MOB3B: variants seen among roughly 807,000 people sequenced by gnomAD.
MOB3B encodes MOB kinase activator 3B.
Under a neutral mutation model 18.7 loss-of-function variants are expected in MOB3B, and 7 were observed. The observed-to-expected ratio is 0.37, with a 90% CI of 0.21 to 0.70. MOB3B has a LOEUF of 0.70. Ranked by LOEUF, MOB3B falls within the 30% of genes least tolerant of loss-of-function variation. MOB3B has a pLI of 0.52. For synonymous variants in MOB3B, 111 were observed against 99.9 expected (o/e 1.11, Z -0.66); for missense variants, 253 against 281.3 (o/e 0.90, Z 0.72).
chr9:27,442,980 C>T (rs1033903574), intron 2 of MOB3B, among the ~76,000 whole-genome samples: 4 of 152,146 alleles, frequency 2.6e-5, no homozygotes, highest in Non-Finnish European at 5.9e-5. Flanking sequence ...AAAAATAAGG[C>T]TCAGGCAGAA....
intron 1 of MOB3B, among the ~76,000 whole-genome samples, chr9:27,478,469 T>G (rs1364247402): frequency 6.6e-6 from 1 of 151,604 alleles, no homozygotes. Context: ...AAGGGCAACT[T>G]TGAAAAAAAG....
chr9:27,483,125 C>CTTTTTTT lies in MOB3B; in HGVS notation c.-198-27384_-198-27378dup, dbSNP rs71492747. 7.9e-4 allele frequency among the ~76,000 whole-genome samples: 54 copies of CTTTTTTT among 68,596 alleles called. 1 individual carries two copies. Among genetic ancestry groups the CTTTTTTT allele is most frequent in the Non-Finnish European group, 9.6e-4 (38 of 39,528 alleles). 45.0% of individuals were successfully genotyped at this position (68,596 alleles called of 152,430 possible). A position where few individuals can be genotyped will look rare whatever the true frequency, so the allele number is the denominator to read the frequency against. ...AGTAAATGTCTACAAATATACGGTA[C>CTTTTTTT]TTTTTTTTTTTTTTTTTTTTTTTTT... On this transcript the variant is annotated intron_variant, in intron 1 of 3. Coordinates refer to ENST00000262244, the MANE Select transcript of MOB3B (RefSeq NM_024761.5).
intron 1 of MOB3B, among the ~76,000 whole-genome samples, chr9:27,477,085 C>T (rs928707235): frequency 6.6e-6 from 1 of 152,196 alleles, no homozygotes; most frequent in Admixed American, 6.5e-5. Context: ...CCCTCATAGT[C>T]AGACAGGGCA....
intron 2 of MOB3B, among the ~76,000 whole-genome samples, chr9:27,447,648 C>A (rs1455832553): frequency 6.6e-6 from 1 of 152,208 alleles, no homozygotes; most frequent in African/African-American, 2.4e-5. Context: ...ACTCCCCTTC[C>A]TTTCTGCTTC....
intron 2 of MOB3B, among the ~76,000 whole-genome samples, chr9:27,442,585 G>A (rs528109548): frequency 1.4e-4 from 21 of 152,264 alleles, no homozygotes; most frequent in Admixed American, 8.5e-4. Context: ...CTGCCCTTTC[G>A]GGTCAGGCAG....
chr9:27,464,908 C>G (rs1487059389), intron 1 of MOB3B, among the ~76,000 whole-genome samples: 1 of 152,144 alleles, frequency 6.6e-6, no homozygotes, highest in Non-Finnish European at 1.5e-5. Flanking sequence ...ATTATCTCCC[C>G]CTGGGTCCCT....
chr9:27,380,484 G>A (rs1051499897), intron 2 of MOB3B, among the ~76,000 whole-genome samples: 1 of 151,996 alleles, frequency 6.6e-6, no homozygotes, highest in African/African-American at 2.4e-5. Context: ...TGATCCACCC[G>A]CCTCGGCCTC....
At chr9:27,457,020 A>T (rs1036700990) in intron 1 of MOB3B, among the ~76,000 whole-genome samples, 2 of 152,222 alleles carry the variant, frequency 1.3e-5, no homozygotes, top group African/African-American at 4.8e-5. Flanking sequence ...TATAGTGGGT[A>T]TCATTCTTCC....
At chr9:27,344,664 T>C (rs7867777) in intron 3 of MOB3B, among the ~76,000 whole-genome samples, 17,727 of 152,220 alleles carry the variant, frequency 0.12, 2,700 homozygotes, top group African/African-American at 0.35. Context: ...GTGCCAACCT[T>C]AATGAAAAGT....
intron 1 of MOB3B, chr9:27,524,718 T>C (rs778802978): frequency 4.3e-6 from 7 of 1,613,896 alleles, no homozygotes; most frequent in Non-Finnish European, 5.1e-6. Context: ...CCTGAACCAA[T>C]GCTTGGAGGA....
intron 1 of MOB3B, among the ~76,000 whole-genome samples, chr9:27,511,639 C>CT (rs1820148228): frequency 6.6e-6 from 1 of 152,030 alleles, no homozygotes; most frequent in Admixed American, 6.5e-5. Context: ...TTTATGTAGC[C>CT]TTGAAAAGAA....
At chr9:27,398,177 T>C (rs568220216) in intron 2 of MOB3B, among the ~76,000 whole-genome samples, 3 of 152,290 alleles carry the variant, frequency 2.0e-5, no homozygotes, top group East Asian at 1.9e-4. Flanking sequence ...CATTTCATTG[T>C]GGAGAAACAG....
In MOB3B at chr9:27,503,797, GC is replaced by G. The variant is rs573711067; in HGVS notation, c.-199+25757del. Among the ~76,000 whole-genome samples, 14 of 152,318 alleles carry G rather than the reference GC, an allele frequency of 9.2e-5. No homozygotes were observed. The South Asian group carries it at 2.9e-3, about 32-fold the overall frequency. On this transcript the variant is annotated intron_variant, in intron 1 of 3. Coordinates refer to ENST00000262244, the MANE Select transcript of MOB3B (RefSeq NM_024761.5). Reference sequence around the variant, plus strand: ...AAAGAAGCATGCTTAGTTAGAGAGAGCCACCGCCCTGGAGGGAGTTTGCCCT... The same window carrying G: ...AAAGAAGCATGCTTAGTTAGAGAGAGCACCGCCCTGGAGGGAGTTTGCCCT...
Position 27,455,631 on chromosome 9 carries a change from G to A in MOB3B, c.-81C>T. The A allele has an allele frequency of 6.3e-7, 1 of 1,592,700 alleles. No homozygotes were observed. Among genetic ancestry groups the A allele is most frequent in the South Asian group, 1.1e-5 (1 of 87,476 alleles). On this transcript the variant is annotated 5_prime_UTR_variant, in exon 2 of 4. Transcript: ENST00000262244. ...TTCAGGGAGAGATCACAGCCCAACA[G>A]TGTTTTCCACTGCCAGCACTCAGGC... is the stretch of plus-strand genomic sequence containing the variant.
At chr9:27,412,180 C>T (rs201798008) in intron 2 of MOB3B, among the ~76,000 whole-genome samples, 4 of 122,922 alleles carry the variant, frequency 3.3e-5, no homozygotes, top group African/African-American at 5.9e-5. Flanking sequence ...ACCCTTATGA[C>T]GAAAAAAAAA....
chr9:27,517,610 T>G (rs527413725), intron 1 of MOB3B, among the ~76,000 whole-genome samples: 2 of 115,664 alleles, frequency 1.7e-5, no homozygotes, highest in South Asian at 3.0e-4. Context: ...ATCATGCCAC[T>G]GCACTCCAGC....
chr9:27,385,805 G>C (rs1821643391), intron 2 of MOB3B, among the ~76,000 whole-genome samples: 1 of 152,350 alleles, frequency 6.6e-6, no homozygotes, highest in Middle Eastern at 3.4e-3. Context: ...CCTGGCACTT[G>C]CTCAAGCACC....
chr9:27,349,646 A>C (rs1821077450), intron 3 of MOB3B, among the ~76,000 whole-genome samples: 1 of 152,228 alleles, frequency 6.6e-6, no homozygotes, highest in African/African-American at 2.4e-5. Context: ...AACATTAAAA[A>C]AATAAAAAAG....
chr9:27,517,647 C>CAA (rs756559270), intron 1 of MOB3B, among the ~76,000 whole-genome samples: 12,101 of 54,100 alleles, frequency 0.22, 3,579 homozygotes, highest in East Asian at 0.61. Context: ...GACTCTGTCT[C>CAA]AAAAAAAAAA....
Sources: allele counts gnomAD v4.1 joint callset (sites outside exome capture counted in the v4.1 genomes callset), GRCh38; gene constraint gnomAD v4.1.1; transcripts MANE v1.5; gene names NCBI Gene and HGNC (gene_info 2026-07-23, HGNC 2026-07-21).